The following LEMD3 variants were observed in gnomAD, a reference collection of about 807,000 sequenced individuals.
LEMD3 encodes inner nuclear membrane protein Man1.
Under a neutral mutation model 95.2 loss-of-function variants are expected in LEMD3, and 33 were observed. The ratio of observed to expected loss-of-function variants is 0.35; its 90% confidence interval spans 0.26 to 0.46. LEMD3 has a LOEUF of 0.46. Among genes scored for constraint, LEMD3 ranks in the 20% least tolerant of loss-of-function variants. The probability of loss-of-function intolerance (pLI) is 1.00; values close to 1 mark genes in which losing one functional copy is unlikely to be tolerated. For missense variants in LEMD3, 1,210 were observed against 1,192.8 expected, an observed-to-expected ratio of 1.01 and a Z score of -0.21; for synonymous variants, 525 against 474.6, an observed-to-expected ratio of 1.11 and a Z score of -1.38.
In LEMD3 at chr12:65,170,193, C is replaced by T. The variant is rs1868477723; in HGVS notation, c.597C>T (p.Ala199=). The change falls in exon 1 of 13, where the codon GCC becomes GCT. Residue 199 remains alanine (A), a synonymous_variant. Transcript: ENST00000308330. ...ERRKPHSWWG[A]RRPAGPELQT... is the part of the protein sequence containing the mutation. ...GGAAGCCCCACTCGTGGTGGGGGGC[C>T]AGGAGGCCGGCGGGCCCCGAGCTGC... 1.3e-6 allele frequency: 2 copies of T among 1,504,204 alleles called. No homozygotes were observed. The highest frequency in any genetic ancestry group is 2.8e-5 in the African/African-American group (2 of 72,238). The allele number at this position is 1,504,204 out of a possible 1,614,324, so 93.2% of individuals were successfully genotyped here.
In LEMD3 at chr12:65,170,159, C is replaced by A; in HGVS notation, c.563C>A (p.Ala188Glu). 1 of 1,488,362 alleles carries A rather than the reference C, an allele frequency of 6.7e-7. No homozygotes were observed. 92.2% of individuals were successfully genotyped at this position (1,488,362 alleles called of 1,614,324 possible). ...AASEVTNSNS[A>E]ERRKPHSWWG... ...AGCGAGGTGACTAACAGCAACTCTG[C>A]AGAGCGAAGGAAGCCCCACTCGTGG... Residue 188 changes from alanine to glutamate, a missense_variant, in exon 1 of 13, where the codon GCA becomes GAA. Coordinates refer to ENST00000308330, the MANE Select transcript of LEMD3 (RefSeq NM_014319.5).
At chr12:65,224,142 C>A (rs1870378661) in intron 4 of LEMD3, among the ~76,000 whole-genome samples, 1 of 152,064 alleles carries the variant, frequency 6.6e-6, no homozygotes, top group South Asian at 2.1e-4. Flanking sequence ...GATTTACACA[C>A]CACCATTACA....
At position 65,245,901 on chromosome 12, in the gene LEMD3, G is replaced by A. The variant is rs200089211; in HGVS notation, c.2534G>A (p.Gly845Glu). The A allele has an allele frequency of 6.2e-7, 1 of 1,613,080 alleles. No homozygotes were observed. Among genetic ancestry groups the A allele is most frequent in the Non-Finnish European group, 8.5e-7 (1 of 1,179,462 alleles). Reference protein sequence around the residue: ...YVKCLSPEYAGKAFKALHGSW... With the variant: ...YVKCLSPEYAEKAFKALHGSW... ...AAATGTCTGTCTCCAGAATATGCTG[G>A]AAAGGCTTTTAAAGCATTGCATGGC... Residue 845 changes from glycine to glutamate, a missense_variant, in exon 12 of 13, where the codon GGA becomes GAA. This residue lies in a region of LEMD3 where 461 missense variants were observed against 569.8 expected (regional missense o/e 0.81). Transcript: ENST00000308330.
At chr12:65,209,834 A>G (rs1443318654) in intron 1 of LEMD3, among the ~76,000 whole-genome samples, 1 of 151,932 alleles carries the variant, frequency 6.6e-6, no homozygotes, top group Non-Finnish European at 1.5e-5. Flanking sequence ...CCTGGTTCCT[A>G]TGGGACTTCC....
rs1871114694 is a variant in LEMD3, at chr12:65,246,558, A to C, written c.*233A>C. Reference sequence around the variant, plus strand: ...GGAGCTCAGTTAAGCCAATACATTTAAAGTTTTGCATGAGGAACACTGACT... The same window carrying C: ...GGAGCTCAGTTAAGCCAATACATTTCAAGTTTTGCATGAGGAACACTGACT... On this transcript the variant is annotated 3_prime_UTR_variant, in exon 13 of 13. Coordinates refer to ENST00000308330, the MANE Select transcript of LEMD3 (RefSeq NM_014319.5). The C allele has an allele frequency of 2.0e-6, 1 of 503,942 alleles. No individual in the cohort carries two copies. The highest frequency in any genetic ancestry group is 1.9e-5 in the African/African-American group (1 of 51,820). 31.2% of individuals were successfully genotyped at this position (503,942 alleles called of 1,614,324 possible).
intron 1 of LEMD3, among the ~76,000 whole-genome samples, chr12:65,200,654 G>T (rs1271941228): frequency 6.6e-6 from 1 of 151,934 alleles, no homozygotes; most frequent in Non-Finnish European, 1.5e-5. Context: ...TAAGTTCTTT[G>T]GCCCATTTTT....
intron 4 of LEMD3, among the ~76,000 whole-genome samples, chr12:65,230,625 T>C (rs1467221014): frequency 6.6e-6 from 1 of 152,200 alleles, no homozygotes; most frequent in Non-Finnish European, 1.5e-5. Context: ...GCAAGTTTAT[T>C]TAATTTATTT....
chr12:65,208,720 G>A (rs1023823825), intron 1 of LEMD3, among the ~76,000 whole-genome samples: 2 of 152,032 alleles, frequency 1.3e-5, no homozygotes, highest in African/African-American at 4.8e-5. Flanking sequence ...CCAAGGATAT[G>A]TTTTACTTCT....
In LEMD3 at chr12:65,236,380, A is replaced by G. The variant is rs114363513; in HGVS notation, c.1696-2122A>G. Among the ~76,000 whole-genome samples the G allele has an allele frequency of 6.6e-3, 1,004 of 152,148 alleles. 11 individuals carry two copies. The highest frequency in any genetic ancestry group is 0.023 in the African/African-American group (959 of 41,520). On this transcript the variant is annotated intron_variant, in intron 4 of 12. Transcript: ENST00000308330. ...AACATGGCGAAACCCCATCTCTACT[A>G]CTACTAAAAATACAGTGATTAGCTG...
intron 1 of LEMD3, among the ~76,000 whole-genome samples, chr12:65,194,102 A>G (rs563397787): frequency 6.6e-6 from 1 of 152,234 alleles, no homozygotes; most frequent in Non-Finnish European, 1.5e-5. Flanking sequence ...GGTTAGTTCC[A>G]TTGTCTTTAA....
intron 1 of LEMD3, among the ~76,000 whole-genome samples, chr12:65,187,170 C>G (rs912282080): frequency 2.0e-5 from 3 of 152,062 alleles, no homozygotes; most frequent in African/African-American, 7.2e-5. Flanking sequence ...AAGCCATTAG[C>G]TACTTTAGGC....
In LEMD3 at chr12:65,171,150, A is replaced by G. The variant is rs1371333021; in HGVS notation, c.1522+32A>G. On this transcript the variant is annotated intron_variant, in intron 1 of 12. Coordinates refer to ENST00000308330, the MANE Select transcript of LEMD3 (RefSeq NM_014319.5). ...ATTAAATCCTGTGGGTAAGGTAACAAAGAGAATGTTGTTAGTGGTCCGCTT... is the reference window on the plus strand; with the variant it reads ...ATTAAATCCTGTGGGTAAGGTAACAGAGAGAATGTTGTTAGTGGTCCGCTT... The G allele has an allele frequency of 3.7e-6, 6 of 1,604,078 alleles. No individual in the cohort carries two copies. In the Admixed American group the frequency reaches 6.7e-5, roughly 18 times the overall value.
At chr12:65,219,617 G>A (rs901030201) in intron 4 of LEMD3, among the ~76,000 whole-genome samples, 1 of 152,060 alleles carries the variant, frequency 6.6e-6, no homozygotes, top group African/African-American at 2.4e-5. Context: ...TAAGTATACC[G>A]TACAACTATA....
intron 1 of LEMD3, among the ~76,000 whole-genome samples, chr12:65,183,386 T>TG (rs748470619): frequency 3.1e-4 from 47 of 152,140 alleles, no homozygotes; most frequent in Non-Finnish European, 5.9e-4. Context: ...ACTACCCTGT[T>TG]GGGTAGTGCA....
At chr12:65,223,833 C>CTTTT (rs71278238) in intron 4 of LEMD3, among the ~76,000 whole-genome samples, 4 of 125,692 alleles carry the variant, frequency 3.2e-5, no homozygotes, top group South Asian at 2.5e-4. Context: ...TTTTTTGTGT[C>CTTTT]TTTTTTTTTT....
chr12:65,190,917 A>G (rs906158044), intron 1 of LEMD3, among the ~76,000 whole-genome samples: 5 of 152,194 alleles, frequency 3.3e-5, no homozygotes, highest in Non-Finnish European at 5.9e-5. Context: ...AATTGTTGAA[A>G]GTTGTAGAGA....
In LEMD3 at chr12:65,246,377, T is replaced by C. The variant is rs1418790127; in HGVS notation, c.*52T>C. On this transcript the variant is annotated 3_prime_UTR_variant, in exon 13 of 13. Coordinates refer to ENST00000308330, the MANE Select transcript of LEMD3 (RefSeq NM_014319.5). ...GTTATTTACAATAGGAAAATTCCTG[T>C]TTGGCTTTTTGTCTTCCTTTTTAAA... 2.1e-6 allele frequency: 3 copies of C among 1,395,468 alleles called. No homozygotes were observed. The highest frequency in any genetic ancestry group is 3.0e-6 in the Non-Finnish European group (3 of 985,212). The allele number at this position is 1,395,468 out of a possible 1,614,324, so 86.4% of individuals were successfully genotyped here.
chr12:65,177,231 A>C (rs929643530), intron 1 of LEMD3, among the ~76,000 whole-genome samples: 2 of 152,210 alleles, frequency 1.3e-5, no homozygotes, highest in African/African-American at 4.8e-5. Flanking sequence ...TAAGAAGGAT[A>C]AACAGGTGAT....
At chr12:65,243,038 T>G (rs1870982369) in intron 9 of LEMD3, among the ~76,000 whole-genome samples, 1 of 152,178 alleles carries the variant, frequency 6.6e-6, no homozygotes, top group Non-Finnish European at 1.5e-5. Flanking sequence ...CACACCTCTC[T>G]TCACCCTGCT....
Sources: allele counts gnomAD v4.1 joint callset (sites outside exome capture counted in the v4.1 genomes callset), GRCh38; gene constraint gnomAD v4.1.1; regional missense constraint gnomAD v4.1.1; transcripts MANE v1.5; gene names NCBI Gene and HGNC (gene_info 2026-07-23, HGNC 2026-07-21).